Variants in LTF observed in about 807,000 individuals in gnomAD.
The protein encoded by LTF is epididymis luminal protein 110.
In LTF, 91 loss-of-function variants were observed where a neutral mutation model predicts 87.2. That is an observed-to-expected ratio of 1.04 (90% CI 0.88 to 1.24). LTF has a LOEUF of 1.24. Ranked by LOEUF, LTF falls within the 50% of genes most tolerant of loss-of-function variation. The pLI is 0.00. For synonymous variants in LTF, 378 were observed against 356.1 expected (o/e 1.06, Z -0.69); for missense variants, 901 against 904.3 (o/e 1.00, Z 0.05).
intron 1 of LTF, among the ~76,000 whole-genome samples, chr3:46,463,155 C>T (rs969035109): frequency 1.3e-5 from 2 of 152,160 alleles, no homozygotes; most frequent in African/African-American, 4.8e-5. Context: ...ATCTTCAACC[C>T]CACACTTGTA....
At chr3:46,464,794 G>T in intron 1 of LTF, 31 bp downstream of exon 1, 1 of 1,613,358 alleles carries the variant, frequency 6.2e-7, no homozygotes. Flanking sequence ...CGCCCATCAG[G>T]CGGCTCGCGC....
At chr3:46,479,642 G>A (rs1200899554) in intron 1 of LTF, among the ~76,000 whole-genome samples, 3 of 152,178 alleles carry the variant, frequency 2.0e-5, no homozygotes, top group Non-Finnish European at 2.9e-5. Context: ...TCCTGCCTCA[G>A]CCTCCCAAGT....
intron 2 of LTF, 92 bp from the exon 3 acceptor site, chr3:46,456,490 G>C (rs1255504233): frequency 1.0e-6 from 1 of 986,024 alleles, no homozygotes; most frequent in African/African-American, 1.6e-5. Flanking sequence ...TCCATGGCTG[G>C]AAGGGTCGTC....
chr3:46,459,754 T>C lies in LTF; in HGVS notation c.109A>G (p.Lys37Glu), dbSNP rs1289635444. ...ATATTCCTTTGCCATTGGAAGCATT[T>C]TGTGGCCTCGGGTTGGGATACGGCG... ...WCAVSQPEAT[K>E]CFQWQRNMRK... The change falls in exon 2 of 17, where the codon AAA becomes GAA. Residue 37 changes from lysine (K) to glutamate (E), a missense_variant. Physicochemically the swap from Lys to Glu is moderately conservative, Grantham distance 56 (BLOSUM62 1). Transcript: ENST00000231751. 1 of 1,580,294 alleles carries C rather than the reference T, an allele frequency of 6.3e-7. No individual in the cohort carries two copies. The highest frequency in any genetic ancestry group is 8.6e-7 in the Non-Finnish European group (1 of 1,167,858).
chr3:46,471,172 A>C (rs898402762), intron 1 of LTF, among the ~76,000 whole-genome samples: 1 of 152,032 alleles, frequency 6.6e-6, no homozygotes, highest in Non-Finnish European at 1.5e-5. Context: ...CTTCTAGGAG[A>C]GCACACACTG....
chr3:46,437,519 C>G (rs1702413181), intron 16 of LTF, among the ~76,000 whole-genome samples: 1 of 152,002 alleles, frequency 6.6e-6, no homozygotes, highest in Admixed American at 6.6e-5. Context: ...AACAAGGTCT[C>G]TCTGTGTTGG....
chr3:46,443,141 A>G (rs754232947), intron 13 of LTF, among the ~76,000 whole-genome samples: 1 of 152,198 alleles, frequency 6.6e-6, no homozygotes, highest in Non-Finnish European at 1.5e-5. Flanking sequence ...TTAGGATACC[A>G]CACTCTACCC....
intron 1 of LTF, among the ~76,000 whole-genome samples, chr3:46,473,627 T>C (rs1703321329): frequency 6.6e-6 from 1 of 152,182 alleles, no homozygotes; most frequent in African/African-American, 2.4e-5. Context: ...TTTCAGCTTC[T>C]AGAGGCTGAC....
In LTF at chr3:46,436,169, G is replaced by T. The variant is rs761566342; in HGVS notation, c.*26C>A. 6.2e-7 allele frequency: 1 copy of T among 1,613,570 alleles called. No individual in the cohort carries two copies. Among genetic ancestry groups the T allele is most frequent in the Non-Finnish European group, 8.5e-7 (1 of 1,179,490 alleles). Reference sequence around the variant, plus strand: ...GGCAGTGAATGGCTGAGGCTTTCTTGGGGAGCTGGGCCATCTTCTTCGGTT... The same window carrying T: ...GGCAGTGAATGGCTGAGGCTTTCTTTGGGAGCTGGGCCATCTTCTTCGGTT... On this transcript the variant is annotated 3_prime_UTR_variant, in exon 17 of 17. Transcript: ENST00000231751.
chr3:46,453,744 G>A (rs964776369), intron 6 of LTF, among the ~76,000 whole-genome samples: 15 of 152,200 alleles, frequency 9.9e-5, no homozygotes, highest in Non-Finnish European at 1.6e-4. Flanking sequence ...TGTCCAGCAC[G>A]TAAGTAAGGA....
At chr3:46,446,396 C>G (rs1455304422) in intron 11 of LTF, 44 bp downstream of exon 11, 1 of 1,544,458 alleles carries the variant, frequency 6.5e-7, no homozygotes, top group East Asian at 2.2e-5. Flanking sequence ...CTTCCAGCAA[C>G]AAGAACTTAT....
Position 46,446,449 on chromosome 3 carries a change from G to A in LTF, c.1348C>T (p.Pro450Ser). 3 of 1,613,262 alleles carry A rather than the reference G, an allele frequency of 1.9e-6. No individual in the cohort carries two copies. The highest frequency in any genetic ancestry group is 2.5e-6 in the Non-Finnish European group (3 of 1,179,590). The change falls in exon 11 of 17, where the codon CCT (proline) becomes TCT (serine). Residue 450 changes from proline to serine, a missense_variant. Pro to Ser is a moderately conservative substitution (Grantham distance 74, BLOSUM62 -1). Coordinates refer to ENST00000231751, the MANE Select transcript of LTF (RefSeq NM_002343.6). ...SDPDPNCVDR[P>S]VEGYLAVAVV... ...GCTAATGCCAACTCACCTTCCACAG[G>A]TCTATCCACACAGTTAGGATCAGGG... is the stretch of plus-strand genomic sequence containing the variant.
intron 1 of LTF, among the ~76,000 whole-genome samples, chr3:46,460,159 T>G (rs1394223895): frequency 6.6e-6 from 1 of 152,182 alleles, no homozygotes; most frequent in Non-Finnish European, 1.5e-5. Flanking sequence ...TTTGCCCACT[T>G]TGAACCTGGA....
At chr3:46,484,773 A>G (rs530152501) in intron 1 of LTF, among the ~76,000 whole-genome samples, 1 of 152,214 alleles carries the variant, frequency 6.6e-6, no homozygotes, top group African/African-American at 2.4e-5. Flanking sequence ...GAAGGTGTAC[A>G]GTGTGTCTCA....
At position 46,435,746 on chromosome 3, in the gene LTF, C is replaced by T. The variant is rs367557037; in HGVS notation, c.*449G>A. ...CCTATGCTTGCTCTTCCTGCCCTGC[C>T]TTGGGGACACGCACACACTCCCAGG... is the stretch of plus-strand genomic sequence containing the variant. On this transcript the variant is annotated 3_prime_UTR_variant, in exon 17 of 17. Transcript: ENST00000231751. The T allele has an allele frequency of 2.1e-3, 368 of 171,886 alleles. 5 individuals carry two copies. The highest frequency in any genetic ancestry group is 6.1e-3 in the East Asian group (35 of 5,768). 10.6% of individuals were successfully genotyped at this position (171,886 alleles called of 1,614,324 possible).
At chr3:46,441,158 T>C (rs1005312889) in intron 14 of LTF, among the ~76,000 whole-genome samples, 1 of 146,314 alleles carries the variant, frequency 6.8e-6, no homozygotes, top group Non-Finnish European at 1.5e-5. Context: ...ATGGCTAGTA[T>C]CTGTGTGTGT....
At chr3:46,473,488 T>C (rs1703319806) in intron 1 of LTF, among the ~76,000 whole-genome samples, 1 of 152,258 alleles carries the variant, frequency 6.6e-6, no homozygotes, top group Non-Finnish European at 1.5e-5. Flanking sequence ...ATAGATGTAG[T>C]GGTTTAACCA....
In LTF at chr3:46,446,431, C is replaced by T. The variant is rs1010951786; in HGVS notation, c.1357+9G>A. The T allele has an allele frequency of 2.5e-6, 4 of 1,610,932 alleles. No homozygotes were observed. Among genetic ancestry groups the T allele is most frequent in the Non-Finnish European group, 3.4e-6 (4 of 1,178,152 alleles). On this transcript the variant is annotated intron_variant, in intron 11 of 16. Coordinates refer to ENST00000231751, the MANE Select transcript of LTF (RefSeq NM_002343.6). ...TCCTTGACCCTGAAAGTGGCTAATG[C>T]CAACTCACCTTCCACAGGTCTATCC...
At chr3:46,456,157 C>T in intron 3 of LTF, 133 bp downstream of exon 3, 1 of 919,180 alleles carries the variant, frequency 1.1e-6, no homozygotes, top group Non-Finnish European at 1.6e-6. Context: ...TGGCCCAGAG[C>T]CCAGCGACTC....
Sources: allele counts gnomAD v4.1 joint callset (sites outside exome capture counted in the v4.1 genomes callset), GRCh38; gene constraint gnomAD v4.1.1; transcripts MANE v1.5; gene names NCBI Gene and HGNC (gene_info 2026-07-23, HGNC 2026-07-21).